NBAS: variants seen among roughly 807,000 people sequenced by gnomAD.
The protein encoded by NBAS is NAG/BC035112 fusion.
In NBAS, 219 loss-of-function variants were observed where a neutral mutation model predicts 302.5. The observed-to-expected ratio is 0.72, with a 90% CI of 0.65 to 0.81. NBAS has a LOEUF of 0.81. Ranked by LOEUF, NBAS falls within the 30% of genes least tolerant of loss-of-function variation. NBAS has a pLI of 0.00. For missense variants in NBAS, 2,932 were observed against 2,841.6 expected, an observed-to-expected ratio of 1.03 and a Z score of -0.72; for synonymous variants, 1,118 against 1,021.6, an observed-to-expected ratio of 1.09 and a Z score of -1.80.
intron 40 of NBAS, among the ~76,000 whole-genome samples, chr2:15,298,154 G>A (rs1259229999): frequency 6.6e-6 from 1 of 152,166 alleles, no homozygotes; most frequent in Non-Finnish European, 1.5e-5. Context: ...GGACCAGCCT[G>A]AGTGACATAG....
At chr2:15,452,912 G>A (rs1242915470) in intron 21 of NBAS, among the ~76,000 whole-genome samples, 1 of 152,108 alleles carries the variant, frequency 6.6e-6, no homozygotes, top group Non-Finnish European at 1.5e-5. Context: ...ATCATTTCAT[G>A]TATGCACTAT....
the NBAS span, among the ~76,000 whole-genome samples, chr2:15,135,927 C>T: frequency 2.0e-5 from 3 of 150,786 alleles, no homozygotes; most frequent in Admixed American, 6.6e-5. Context: ...AGAAATTTGA[C>T]GAATTTGTTT....
chr2:14,994,019 T>TA, the NBAS span, among the ~76,000 whole-genome samples: 5 of 152,222 alleles, frequency 3.3e-5, no homozygotes, highest in African/African-American at 1.2e-4. Context: ...CAGGACTTTT[T>TA]AAAAATTAGA....
chr2:15,389,869 T>C lies in NBAS; in HGVS notation c.3257+4358A>G, dbSNP rs562204096. ...GACTCTTAAGACTACCCCAGTTTAC[T>C]GTCTTGAGAAAGATTCCAGGCCACA... On this transcript the variant is annotated intron_variant, in intron 28 of 51. Coordinates refer to ENST00000281513, the MANE Select transcript of NBAS (RefSeq NM_015909.4). Among the ~76,000 whole-genome samples, 123 of 152,352 alleles carry C rather than the reference T, an allele frequency of 8.1e-4. 1 individual carries two copies. The highest frequency in any genetic ancestry group is 2.7e-3 in the African/African-American group (113 of 41,584).
At chr2:14,933,681 G>A in the NBAS span, among the ~76,000 whole-genome samples, 1 of 152,296 alleles carries the variant, frequency 6.6e-6, no homozygotes, top group East Asian at 1.9e-4. Context: ...GGATGTCCAA[G>A]ATGAGCAGAT....
chr2:15,483,672 T>A (rs911082746), intron 12 of NBAS, among the ~76,000 whole-genome samples: 1 of 152,134 alleles, frequency 6.6e-6, no homozygotes, highest in Non-Finnish European at 1.5e-5. Flanking sequence ...TATTAGTAAA[T>A]CAGAATAGGC....
At chr2:15,128,593 TG>T in the NBAS span, among the ~76,000 whole-genome samples, 1 of 152,070 alleles carries the variant, frequency 6.6e-6, no homozygotes, top group African/African-American at 2.4e-5. Context: ...GATCAGGGTG[TG>T]CCTTATGGAA....
chr2:15,414,250 A>G (rs1676815484), intron 25 of NBAS, among the ~76,000 whole-genome samples: 1 of 152,202 alleles, frequency 6.6e-6, no homozygotes, highest in South Asian at 2.1e-4. Context: ...TTTCCTTTCT[A>G]TTTTGATTAT....
chr2:15,371,191 C>G (rs1674468167), intron 31 of NBAS, among the ~76,000 whole-genome samples: 2 of 152,154 alleles, frequency 1.3e-5, no homozygotes, highest in Admixed American at 6.5e-5. Flanking sequence ...TTCCCGCCAA[C>G]AGATGAAGAA....
the NBAS span, among the ~76,000 whole-genome samples, chr2:15,151,545 C>G: frequency 1.3e-5 from 2 of 152,216 alleles, no homozygotes; most frequent in African/African-American, 4.8e-5. Flanking sequence ...CATAATGGCT[C>G]TGGACTACCT....
chr2:15,367,084 T>C (rs1414118249), intron 31 of NBAS, among the ~76,000 whole-genome samples: 2 of 152,114 alleles, frequency 1.3e-5, no homozygotes, highest in Non-Finnish European at 2.9e-5. Context: ...CTAAGCCCCA[T>C]TCCTTGCTCT....
At chr2:15,128,861 C>T in the NBAS span, among the ~76,000 whole-genome samples, 1 of 152,168 alleles carries the variant, frequency 6.6e-6, no homozygotes, top group Non-Finnish European at 1.5e-5. Flanking sequence ...GGCCGGGAGA[C>T]AGTCACAGGA....
At chr2:15,218,055 T>G (rs1666730077) in intron 48 of NBAS, among the ~76,000 whole-genome samples, 1 of 152,130 alleles carries the variant, frequency 6.6e-6, no homozygotes, top group South Asian at 2.1e-4. Flanking sequence ...TATGTCCTTC[T>G]AAGTATAGGG....
the NBAS span, among the ~76,000 whole-genome samples, chr2:15,110,661 T>C: frequency 6.6e-6 from 1 of 152,140 alleles, no homozygotes; most frequent in Middle Eastern, 3.4e-3. Context: ...GATTGGAGGG[T>C]ACTTCTCTGG....
the NBAS span, among the ~76,000 whole-genome samples, chr2:15,015,978 A>G: frequency 6.6e-6 from 1 of 152,174 alleles, no homozygotes; most frequent in African/African-American, 2.4e-5. Flanking sequence ...ATTTCTATAT[A>G]CTAACAATGA....
intron 9 of NBAS, among the ~76,000 whole-genome samples, chr2:15,519,486 GA>G (rs1662558884): frequency 4.1e-5 from 1 of 24,146 alleles, no homozygotes; most frequent in African/African-American, 1.4e-4. Flanking sequence ...ACCCAAGCTG[GA>G]GTGCAATGGT....
the NBAS span, among the ~76,000 whole-genome samples, chr2:14,997,980 C>G: frequency 6.6e-6 from 1 of 152,018 alleles, no homozygotes; most frequent in African/African-American, 2.4e-5. Context: ...TTCCTTTCTC[C>G]TCGCTTTTTC....
the NBAS span, among the ~76,000 whole-genome samples, chr2:15,060,828 G>C: frequency 6.6e-6 from 1 of 152,138 alleles, no homozygotes; most frequent in Non-Finnish European, 1.5e-5. Flanking sequence ...GATGGACATA[G>C]CCTTAATCAC....
chr2:15,104,253 C>A, the NBAS span, among the ~76,000 whole-genome samples: 2 of 152,150 alleles, frequency 1.3e-5, no homozygotes, highest in South Asian at 4.1e-4. Flanking sequence ...GAGGTCTCCC[C>A]AGCCATGTGG....
Sources: allele counts gnomAD v4.1 joint callset (sites outside exome capture counted in the v4.1 genomes callset), GRCh38; gene constraint gnomAD v4.1.1; transcripts MANE v1.5; gene names NCBI Gene and HGNC (gene_info 2026-07-23, HGNC 2026-07-21).